Variants in GOLIM4 observed in about 807,000 individuals in gnomAD.
GOLIM4 encodes the protein golgi integral membrane protein 4.
GOLIM4 carries 71 observed loss-of-function variants against 107.4 expected under a neutral mutation model. That is an observed-to-expected ratio of 0.66 (90% CI 0.55 to 0.81). GOLIM4 has a LOEUF of 0.81. Ranked by LOEUF, GOLIM4 falls within the 30% of genes least tolerant of loss-of-function variation. GOLIM4 has a pLI of 0.00. For missense variants in GOLIM4, 830 were observed against 826.1 expected, an observed-to-expected ratio of 1.00 and a Z score of -0.06; for synonymous variants, 327 against 294.8, an observed-to-expected ratio of 1.11 and a Z score of -1.12.
chr3:168,037,060 G>A (rs1443998119), intron 7 of GOLIM4, 66 bp from the exon 8 acceptor site: 18 of 781,274 alleles, frequency 2.3e-5, no homozygotes, highest in Non-Finnish European at 3.2e-5. Flanking sequence ...GGGCATTTGG[G>A]TACACTGTAA....
intron 14 of GOLIM4, among the ~76,000 whole-genome samples, chr3:168,023,657 C>A (rs1717835025): frequency 6.6e-6 from 1 of 152,206 alleles, no homozygotes; most frequent in Admixed American, 6.5e-5. Flanking sequence ...AGACACCTGG[C>A]TGAGAAGCAG....
At chr3:168,059,994 C>T (rs563792113) in intron 1 of GOLIM4, among the ~76,000 whole-genome samples, 10 of 152,014 alleles carry the variant, frequency 6.6e-5, no homozygotes, top group East Asian at 1.9e-4. Context: ...AGGGTGAGCC[C>T]GGAAAGTCAA....
At chr3:168,064,892 T>A (rs1364953558) in intron 1 of GOLIM4, among the ~76,000 whole-genome samples, 1 of 152,000 alleles carries the variant, frequency 6.6e-6, no homozygotes. Flanking sequence ...TTCAACCTTA[T>A]TCATAGAATT....
At chr3:168,065,775 G>A (rs902293532) in intron 1 of GOLIM4, among the ~76,000 whole-genome samples, 4 of 152,186 alleles carry the variant, frequency 2.6e-5, no homozygotes, top group Admixed American at 1.3e-4. Context: ...AGCTCTGCAT[G>A]TCTGCTTGCA....
chr3:168,035,346 C>A (rs1718585521), intron 8 of GOLIM4, among the ~76,000 whole-genome samples: 1 of 152,158 alleles, frequency 6.6e-6, no homozygotes, highest in Non-Finnish European at 1.5e-5. Flanking sequence ...ATTATAAAGA[C>A]ACATTCACTG....
chr3:168,095,518 G>T lies in GOLIM4; in HGVS notation c.-233C>A, dbSNP rs970853407. The T allele has an allele frequency of 1.0e-5, 5 of 490,276 alleles. No individual in the cohort carries two copies. The highest frequency in any genetic ancestry group is 8.4e-5 in the Admixed American group (2 of 23,782). The allele number at this position is 490,276 out of a possible 1,614,324, so 30.4% of individuals were successfully genotyped here. A position where few individuals can be genotyped will look rare whatever the true frequency, so the allele number is the denominator to read the frequency against. On this transcript the variant is annotated 5_prime_UTR_variant, in exon 1 of 16. Coordinates refer to ENST00000470487, the MANE Select transcript of GOLIM4 (RefSeq NM_014498.5). ...CTGCAGCCAAACTTCTGCGAGGCTC[G>T]TTCTCCGCGAATGCCCGGGGCCGGG...
At position 168,036,943 on chromosome 3, in the gene GOLIM4, T is replaced by C. The variant is rs1718684389; in HGVS notation, c.736A>G (p.Ser246Gly). Reference protein sequence around the residue: ...QLKDTLNRIPSLRKPDPAEQQ... With the variant: ...QLKDTLNRIPGLRKPDPAEQQ... Reference sequence around the variant, plus strand: ...TCTGCTGGATCAGGTTTTCGAAGGCTTGGAATCCTATTCAGAGTATCTTTC... The same window carrying C: ...TCTGCTGGATCAGGTTTTCGAAGGCCTGGAATCCTATTCAGAGTATCTTTC... Residue 246 changes from serine (S) to glycine (G), a missense_variant, in exon 8 of 16, where the codon AGC becomes GGC. Ser to Gly is a moderately conservative substitution (Grantham distance 56). Transcript: ENST00000470487. The C allele has an allele frequency of 1.2e-6, 2 of 1,613,608 alleles. No homozygotes were observed. The highest frequency in any genetic ancestry group is 1.7e-6 in the Non-Finnish European group (2 of 1,179,520).
intron 1 of GOLIM4, among the ~76,000 whole-genome samples, chr3:168,087,076 T>G (rs572917667): frequency 6.6e-6 from 1 of 152,148 alleles, no homozygotes; most frequent in Non-Finnish European, 1.5e-5. Flanking sequence ...ACTTCAGACA[T>G]GCAGGCACCC....
At chr3:168,030,101 G>C in intron 9 of GOLIM4, 65 bp from the exon 10 acceptor site, 1 of 1,514,706 alleles carries the variant, frequency 6.6e-7, no homozygotes, top group Non-Finnish European at 9.0e-7. Context: ...CTCTTCATTT[G>C]TTTCTCCTGA....
At chr3:168,057,287 T>C (rs1577549039) in intron 1 of GOLIM4, among the ~76,000 whole-genome samples, 1 of 152,192 alleles carries the variant, frequency 6.6e-6, no homozygotes, top group Non-Finnish European at 1.5e-5. Context: ...CAGTCTTGGG[T>C]ATGTCTTTAT....
At chr3:168,070,127 C>T (rs1720760223) in intron 1 of GOLIM4, among the ~76,000 whole-genome samples, 1 of 152,184 alleles carries the variant, frequency 6.6e-6, no homozygotes, top group South Asian at 2.1e-4. Context: ...GGTGCAGTGG[C>T]TCATGCCTGT....
chr3:168,093,819 G>A (rs1722024814), intron 1 of GOLIM4, among the ~76,000 whole-genome samples: 1 of 152,078 alleles, frequency 6.6e-6, no homozygotes, highest in Non-Finnish European at 1.5e-5. Flanking sequence ...TTCTAAGTTG[G>A]GAAGAGCAAG....
intron 8 of GOLIM4, 74 bp from the exon 9 acceptor site, chr3:168,032,926 G>T: frequency 8.8e-7 from 1 of 1,138,658 alleles, no homozygotes; most frequent in Non-Finnish European, 1.3e-6. Flanking sequence ...TGATTTCCAT[G>T]TCTATGGGGC....
intron 9 of GOLIM4, 89 bp downstream of exon 9, chr3:168,032,431 T>C (rs1718380847): frequency 4.5e-6 from 4 of 898,812 alleles, no homozygotes; most frequent in Non-Finnish European, 1.8e-6. Flanking sequence ...ATTTCTATTT[T>C]AGAGATTGTG....
intron 1 of GOLIM4, among the ~76,000 whole-genome samples, chr3:168,072,377 T>TA (rs547225724): frequency 2.4e-3 from 315 of 130,006 alleles, no homozygotes; most frequent in South Asian, 4.5e-3. Context: ...AGATGTGATT[T>TA]AAAAAAAAAA....
At chr3:168,095,028 C>T in intron 1 of GOLIM4, 71 bp downstream of exon 1, 5 of 1,243,030 alleles carry the variant, frequency 4.0e-6, no homozygotes, top group Non-Finnish European at 5.7e-6. Context: ...CTCACCAAAG[C>T]CACTTTTCCT....
At chr3:168,031,986 A>C (rs1718360479) in intron 9 of GOLIM4, among the ~76,000 whole-genome samples, 1 of 152,160 alleles carries the variant, frequency 6.6e-6, no homozygotes, top group Non-Finnish European at 1.5e-5. Context: ...GTGTCCAGTA[A>C]GGGATCCTGA....
chr3:168,080,675 A>G (rs1721315690), intron 1 of GOLIM4, among the ~76,000 whole-genome samples: 2 of 152,220 alleles, frequency 1.3e-5, no homozygotes, highest in Admixed American at 6.5e-5. Context: ...GTTTTGGCCA[A>G]CTGAAGCCCA....
In GOLIM4 at chr3:168,042,777, G is replaced by A. The variant is rs545238076; in HGVS notation, c.517+602C>T. Among the ~76,000 whole-genome samples, 8 of 152,316 alleles carry A rather than the reference G, an allele frequency of 5.3e-5. No individual in the cohort carries two copies. The East Asian group carries it at 1.3e-3, about 26-fold the overall frequency. Reference sequence around the variant, plus strand: ...TGAGCAACTACTCTACATGCTTTATGTAAATTATTTCTCACACCAATTCTA... The same window carrying A: ...TGAGCAACTACTCTACATGCTTTATATAAATTATTTCTCACACCAATTCTA... On this transcript the variant is annotated intron_variant, in intron 5 of 15. Coordinates refer to ENST00000470487, the MANE Select transcript of GOLIM4 (RefSeq NM_014498.5).
Sources: gnomAD v4.1 joint callset for allele counts (sites outside exome capture counted in the v4.1 genomes callset) on GRCh38, gnomAD v4.1.1 for gene constraint, MANE v1.5 for transcripts, NCBI Gene and HGNC (gene_info 2026-07-23, HGNC 2026-07-21) for gene names.